Variants in KCNIP4 observed in about 807,000 individuals in gnomAD.
The protein encoded by KCNIP4 is potassium voltage-gated channel interacting protein 4.
Under a neutral mutation model 34.0 loss-of-function variants are expected in KCNIP4, and 12 were observed. The ratio of observed to expected loss-of-function variants is 0.35; its 90% CI spans 0.23 to 0.57. KCNIP4 has a LOEUF of 0.57. KCNIP4 is among the 20% of genes least tolerant of loss of function. KCNIP4 has a pLI of 0.83. For synonymous variants in KCNIP4, 124 were observed against 102.2 expected (o/e 1.21, Z -1.29); for missense variants, 238 against 311.7 (o/e 0.76, Z 1.78).
At chr4:21,829,538 G>C (rs995847152) in intron 1 of KCNIP4, among the ~76,000 whole-genome samples, 2 of 151,950 alleles carry the variant, frequency 1.3e-5, no homozygotes, top group Non-Finnish European at 2.9e-5. Context: ...CAGCAAGAAT[G>C]AGTTTTAAAG....
At chr4:21,549,527 G>T (rs1370828662) in intron 1 of KCNIP4, among the ~76,000 whole-genome samples, 2 of 151,886 alleles carry the variant, frequency 1.3e-5, no homozygotes, top group Non-Finnish European at 2.9e-5. Context: ...TTAAATAAAA[G>T]CTTCCTTAGG....
intron 1 of KCNIP4, among the ~76,000 whole-genome samples, chr4:21,862,947 T>C (rs1438133027): frequency 2.3e-5 from 3 of 130,104 alleles, no homozygotes; most frequent in South Asian, 2.9e-4. Context: ...GGTGACCGAG[T>C]GAGACTCCGT....
chr4:21,244,444 G>A (rs1304013194), intron 1 of KCNIP4, among the ~76,000 whole-genome samples: 1 of 152,156 alleles, frequency 6.6e-6, no homozygotes, highest in Non-Finnish European at 1.5e-5. Flanking sequence ...TACTATCCAT[G>A]ATGCTATATT....
At chr4:21,087,335 C>T (rs148477276) in intron 1 of KCNIP4, among the ~76,000 whole-genome samples, 2 of 152,086 alleles carry the variant, frequency 1.3e-5, no homozygotes, top group African/African-American at 4.8e-5. Context: ...TGCCACCACA[C>T]CTGGCTAATT....
intron 1 of KCNIP4, among the ~76,000 whole-genome samples, chr4:21,652,186 G>T (rs1400390308): frequency 6.6e-6 from 1 of 152,100 alleles, no homozygotes; most frequent in East Asian, 1.9e-4. Flanking sequence ...ATTTATGCTG[G>T]CTTGACTATC....
At chr4:20,836,279 C>A (rs1164896661) in intron 3 of KCNIP4, among the ~76,000 whole-genome samples, 1 of 152,170 alleles carries the variant, frequency 6.6e-6, no homozygotes, top group African/African-American at 2.4e-5. Flanking sequence ...ATCCAATAAA[C>A]CCTTTCCTGC....
intron 1 of KCNIP4, among the ~76,000 whole-genome samples, chr4:21,569,200 T>C (rs1171401285): frequency 8.5e-6 from 1 of 117,966 alleles, no homozygotes; most frequent in African/African-American, 3.3e-5. Flanking sequence ...TGTTGAGACA[T>C]GTTTAAGTCC....
At chr4:21,778,153 T>C (rs552705238) in intron 1 of KCNIP4, among the ~76,000 whole-genome samples, 18 of 152,066 alleles carry the variant, frequency 1.2e-4, no homozygotes, top group Middle Eastern at 6.8e-3. Context: ...ATAACTCTTA[T>C]GATCAAAAGG....
At chr4:21,597,121 G>A (rs1050727814) in intron 1 of KCNIP4, among the ~76,000 whole-genome samples, 12 of 151,992 alleles carry the variant, frequency 7.9e-5, no homozygotes, top group Non-Finnish European at 1.6e-4. Flanking sequence ...ATCTCATCTT[G>A]AATTGTAGCT....
Position 21,311,737 on chromosome 4 carries a change from CTG to C in KCNIP4, c.62-429030_62-429029del, listed in dbSNP as rs1422778299. Among the ~76,000 whole-genome samples, 4 of 152,122 alleles carry C rather than the reference CTG, an allele frequency of 2.6e-5. No homozygotes were observed. The East Asian group carries it at 7.7e-4, about 29-fold the overall frequency. On this transcript the variant is annotated intron_variant, in intron 1 of 8. Transcript: ENST00000382152. ...AGCCTGAAAATAACTATCTTGAACACTGATATTTGAGGACATCTTTGTCACCT... is the reference window on the plus strand; with the variant it reads ...AGCCTGAAAATAACTATCTTGAACACATATTTGAGGACATCTTTGTCACCT...
At chr4:21,517,831 T>G (rs1303476008) in intron 1 of KCNIP4, among the ~76,000 whole-genome samples, 26 of 152,130 alleles carry the variant, frequency 1.7e-4, no homozygotes, top group Admixed American at 1.6e-3. Flanking sequence ...GCTTGGTAAT[T>G]ACCCTCTCTG....
In KCNIP4 at chr4:20,789,217, G is replaced by T. The variant is rs1424818694; in HGVS notation, c.289-30327C>A. Among the ~76,000 whole-genome samples, 5 of 152,212 alleles carry T rather than the reference G, an allele frequency of 3.3e-5. No homozygotes were observed. In the East Asian group the frequency reaches 9.7e-4, roughly 29 times the overall value. On this transcript the variant is annotated intron_variant, in intron 3 of 8. Transcript: ENST00000382152. ...CTATTGCTAAAACCCTACCACACTAGCTTAGGAATCACATTTTTAGTAAAT... is the reference window on the plus strand; with the variant it reads ...CTATTGCTAAAACCCTACCACACTATCTTAGGAATCACATTTTTAGTAAAT...
intron 1 of KCNIP4, among the ~76,000 whole-genome samples, chr4:21,711,453 G>A (rs563624590): frequency 6.6e-5 from 10 of 152,138 alleles, no homozygotes; most frequent in African/African-American, 2.4e-4. Context: ...CTGCACTCCA[G>A]CCTGGTGACA....
At chr4:20,879,172 A>C (rs964021550) in intron 2 of KCNIP4, among the ~76,000 whole-genome samples, 3 of 152,110 alleles carry the variant, frequency 2.0e-5, no homozygotes, top group African/African-American at 7.2e-5. Flanking sequence ...TGTGAACAAG[A>C]CAATTCTTTG....
intron 5 of KCNIP4, among the ~76,000 whole-genome samples, chr4:20,741,048 C>A (rs893507809): frequency 9.2e-5 from 14 of 152,180 alleles, no homozygotes; most frequent in Admixed American, 2.0e-4. Context: ...TGCACCAATA[C>A]AGGAGCACCC....
At position 21,343,832 on chromosome 4, in the gene KCNIP4, G is replaced by A. The variant is rs146492395; in HGVS notation, c.62-461123C>T. 1.1e-3 allele frequency among the ~76,000 whole-genome samples: 160 copies of A among 152,156 alleles called. 1 individual carries two copies. The highest frequency in any genetic ancestry group is 3.8e-3 in the African/African-American group (158 of 41,528). On this transcript the variant is annotated intron_variant, in intron 1 of 8. Coordinates refer to ENST00000382152, the MANE Select transcript of KCNIP4 (RefSeq NM_025221.6). ...AACAAATGCTCAGAGCCCTTCCTAT[G>A]TGCCAGTTATAGTTCCAAGGGCTTT...
At chr4:21,944,565 A>G (rs1730394560) in intron 1 of KCNIP4, among the ~76,000 whole-genome samples, 1 of 71,398 alleles carries the variant, frequency 1.4e-5, no homozygotes, top group South Asian at 2.9e-4. Flanking sequence ...TCAAAAAAAA[A>G]AAAAAAAAAA....
intron 1 of KCNIP4, among the ~76,000 whole-genome samples, chr4:20,908,578 T>C (rs1486234137): frequency 3.9e-5 from 6 of 152,220 alleles, no homozygotes; most frequent in Admixed American, 3.9e-4. Context: ...ATAAAATTCA[T>C]ATTGAGCAAG....
intron 1 of KCNIP4, among the ~76,000 whole-genome samples, chr4:21,649,532 A>T (rs2108967143): frequency 6.6e-6 from 1 of 152,298 alleles, no homozygotes; most frequent in East Asian, 1.9e-4. Context: ...CTTATGGAGT[A>T]GTTAGTTCCC....
Sources: gnomAD v4.1 joint callset for allele counts (sites outside exome capture counted in the v4.1 genomes callset) on GRCh38, gnomAD v4.1.1 for gene constraint, MANE v1.5 for transcripts, NCBI Gene and HGNC (gene_info 2026-07-23, HGNC 2026-07-21) for gene names.